The following ZNF638 variants were observed in gnomAD, a reference collection of about 807,000 sequenced individuals.
ZNF638 encodes CTCL tumor antigen se33-1.
In ZNF638, 46 loss-of-function variants were observed where a neutral mutation model predicts 195.6. The observed-to-expected ratio is 0.24, with a 90% confidence interval of 0.19 to 0.30. The LOEUF (loss-of-function observed/expected upper bound fraction) is 0.30. Among genes scored for constraint, ZNF638 ranks in the 10% least tolerant of loss-of-function variants. The probability of loss-of-function intolerance (pLI) is 1.00; values close to 1 mark genes in which losing one functional copy is unlikely to be tolerated. For synonymous variants in ZNF638, 845 were observed against 772.0 expected, an observed-to-expected ratio of 1.09 and a Z score of -1.57; for missense variants, 2,440 against 2,325.3, an observed-to-expected ratio of 1.05 and a Z score of -1.01.
chr2:71,339,343 G>A (rs1573014707), intron 1 of ZNF638, among the ~76,000 whole-genome samples: 3 of 152,162 alleles, frequency 2.0e-5, no homozygotes, highest in East Asian at 3.9e-4. Context: ...AGTAGAGACA[G>A]GGTTTCACCA....
chr2:71,411,582 G>A (rs1404602204), intron 20 of ZNF638, among the ~76,000 whole-genome samples: 1 of 114,596 alleles, frequency 8.7e-6, no homozygotes, highest in East Asian at 2.7e-4. Context: ...CCACTAACGT[G>A]TCATCTAGCA....
At chr2:71,377,161 A>G (rs538769782) in intron 8 of ZNF638, among the ~76,000 whole-genome samples, 13 of 152,172 alleles carry the variant, frequency 8.5e-5, no homozygotes, top group African/African-American at 2.9e-4. Flanking sequence ...GCTGCTGGGT[A>G]GGGTGCGGTG....
chr2:71,433,150 CTT>C lies in ZNF638; in HGVS notation c.5753-14_5753-13del. 1 of 1,514,590 alleles carries C rather than the reference CTT, an allele frequency of 6.6e-7. No individual in the cohort carries two copies. The highest frequency in any genetic ancestry group is 9.2e-7 in the Non-Finnish European group (1 of 1,090,728). The allele number at this position is 1,514,590 out of a possible 1,614,324, so 93.8% of individuals were successfully genotyped here. A position where few individuals can be genotyped will look rare whatever the true frequency, so the allele number is the denominator to read the frequency against. ...ATTATTGTTAATTTTCTTCTTGTCT[CTT>C]CTTATCCTCTAGAATTAGACTTTCT... On this transcript the variant is annotated splice_polypyrimidine_tract_variant and intron_variant, in intron 26 of 27. Coordinates refer to ENST00000264447, the MANE Select transcript of ZNF638 (RefSeq NM_014497.5).
intron 3 of ZNF638, 121 bp from the exon 4 acceptor site, chr2:71,363,032 C>A: frequency 1.3e-6 from 1 of 773,882 alleles, no homozygotes; most frequent in South Asian, 1.6e-5. Flanking sequence ...ATTAAACTCT[C>A]AAAATATTTT....
rs565171224 is a variant in ZNF638, at chr2:71,369,504, A to G, written c.2143-379A>G. Among the ~76,000 whole-genome samples, 12 of 152,194 alleles carry G rather than the reference A, an allele frequency of 7.9e-5. No individual in the cohort carries two copies. The East Asian group carries it at 1.4e-3, about 17-fold the overall frequency. On this transcript the variant is annotated intron_variant, in intron 7 of 27. Transcript: ENST00000264447. ...TTTTAAAAAGTTTGTGAGTCAGGAC[A>G]GGGAACATAGTGATAGTGTTGTCTT...
intron 5 of ZNF638, among the ~76,000 whole-genome samples, chr2:71,364,819 T>G (rs1443004243): frequency 6.6e-6 from 1 of 152,208 alleles, no homozygotes; most frequent in Non-Finnish European, 1.5e-5. Flanking sequence ...CTTCTTAAAG[T>G]ATGGCCCAAG....
chr2:71,417,118 C>G, intron 20 of ZNF638, among the ~76,000 whole-genome samples: 1 of 144,952 alleles, frequency 6.9e-6, no homozygotes, highest in Non-Finnish European at 1.5e-5. Flanking sequence ...GCTGTGCTAG[C>G]AATCAGCGAG....
In ZNF638 at chr2:71,405,654, A is replaced by C; in HGVS notation, c.3000+12A>C. 6.5e-7 allele frequency: 1 copy of C among 1,539,288 alleles called. No individual in the cohort carries two copies. The highest frequency in any genetic ancestry group is 8.8e-7 in the Non-Finnish European group (1 of 1,131,430). Reference sequence around the variant, plus strand: ...AAAATGACCCAGAGGTAAGTTTTGCATTTAAATGCTTTTGTATACTTATTT... The same window carrying C: ...AAAATGACCCAGAGGTAAGTTTTGCCTTTAAATGCTTTTGTATACTTATTT... On this transcript the variant is annotated intron_variant, in intron 18 of 27. Coordinates refer to ENST00000264447, the MANE Select transcript of ZNF638 (RefSeq NM_014497.5).
intron 17 of ZNF638, among the ~76,000 whole-genome samples, chr2:71,405,135 G>T (rs1404230210): frequency 6.6e-6 from 1 of 152,230 alleles, no homozygotes; most frequent in East Asian, 1.9e-4. Flanking sequence ...GTTGTCCTCT[G>T]CCTGCTTTGA....
At position 71,426,977 on chromosome 2, in the gene ZNF638, C is replaced by G. The variant is rs761503909; in HGVS notation, c.5108C>G (p.Ala1703Gly). ...PLNESADITF[A>G]TLNTKGNEGD... is the part of the protein sequence containing the mutation. ...AATGAGTCAGCAGACATAACTTTTG[C>G]CACTTTAAATACTAAAGGAAATGAA... is the stretch of plus-strand genomic sequence containing the variant. The change falls in exon 24 of 28, where the codon GCC (alanine) becomes GGC (glycine). Residue 1703 changes from alanine (A) to glycine (G), a missense_variant. Ala to Gly is a moderately conservative substitution (Grantham distance 60). Coordinates refer to ENST00000264447, the MANE Select transcript of ZNF638 (RefSeq NM_014497.5). 13 of 1,611,848 alleles carry G rather than the reference C, an allele frequency of 8.1e-6. No homozygotes were observed. Among genetic ancestry groups the G allele is most frequent in the Non-Finnish European group, 1.1e-5 (13 of 1,179,250 alleles).
intron 20 of ZNF638, among the ~76,000 whole-genome samples, chr2:71,409,431 C>G (rs1347241470): frequency 6.6e-6 from 1 of 152,086 alleles, no homozygotes; most frequent in African/African-American, 2.4e-5. Flanking sequence ...GCACTCCATT[C>G]TAAATACTGA....
intron 20 of ZNF638, among the ~76,000 whole-genome samples, chr2:71,417,798 G>A (rs2080334090): frequency 6.6e-6 from 1 of 152,064 alleles, no homozygotes; most frequent in Non-Finnish European, 1.5e-5. Context: ...CTTATCACCA[G>A]ATATCCCAGT....
intron 20 of ZNF638, chr2:71,408,511 C>T (rs748118702): frequency 2.7e-6 from 1 of 366,222 alleles, no homozygotes; most frequent in Non-Finnish European, 5.0e-6. Context: ...TGTATAGTGA[C>T]TCTTTGTATG....
chr2:71,357,393 G>A (rs1476581616), intron 3 of ZNF638, among the ~76,000 whole-genome samples: 2 of 152,120 alleles, frequency 1.3e-5, no homozygotes, highest in Non-Finnish European at 2.9e-5. Context: ...GACAAACATA[G>A]GTTATCATGG....
intron 1 of ZNF638, chr2:71,334,379 A>G (rs2078626933): frequency 6.6e-6 from 1 of 152,218 alleles, no homozygotes; most frequent in Non-Finnish European, 1.5e-5. Context: ...GCGCTAATGA[A>G]TGCTGCCATG....
intron 11 of ZNF638, 92 bp downstream of exon 11, chr2:71,396,283 A>T: frequency 9.7e-7 from 1 of 1,031,938 alleles, no homozygotes; most frequent in Non-Finnish European, 1.4e-6. Context: ...ATTTCACATG[A>T]CATAGTCTGT....
chr2:71,363,506 C>T (rs532581871), intron 4 of ZNF638, among the ~76,000 whole-genome samples: 42 of 152,300 alleles, frequency 2.8e-4, no homozygotes, highest in African/African-American at 9.4e-4. Flanking sequence ...GGATTCTCCT[C>T]AGGTTATGTG....
chr2:71,426,528 T>C lies in ZNF638; in HGVS notation c.4659T>C (p.Pro1553=). 1 of 1,613,120 alleles carries C rather than the reference T, an allele frequency of 6.2e-7. No individual in the cohort carries two copies. The highest frequency in any genetic ancestry group is 8.5e-7 in the Non-Finnish European group (1 of 1,179,758). Residue 1553 remains proline, a synonymous_variant, in exon 24 of 28, where the codon CCT becomes CCC. Coordinates refer to ENST00000264447, the MANE Select transcript of ZNF638 (RefSeq NM_014497.5). The part of the protein sequence containing the change: ...TVDEVIEEVN[P]SQAKQNPLKG... ...ATGAGGTTATAGAAGAAGTGAATCC[T>C]TCTCAGGCCAAGCAGAATCCACTAA...
At chr2:71,388,512 C>T (rs764833539) in intron 10 of ZNF638, 7 of 707,860 alleles carry the variant, frequency 9.9e-6, no homozygotes, top group Non-Finnish European at 1.0e-5. Context: ...GCAGCTCCAG[C>T]TTATTGGGGC....
Sources: gnomAD v4.1 joint callset for allele counts (sites outside exome capture counted in the v4.1 genomes callset) on GRCh38, gnomAD v4.1.1 for gene constraint, MANE v1.5 for transcripts, NCBI Gene and HGNC (gene_info 2026-07-23, HGNC 2026-07-21) for gene names.